PEX5L: variants seen among roughly 807,000 people sequenced by gnomAD.
The protein encoded by PEX5L is PEX5-related protein.
A neutral mutation model predicts 84.0 loss-of-function variants in PEX5L; 30 were observed. The observed-to-expected ratio is 0.36, with a 90% CI of 0.27 to 0.48. The LOEUF is 0.48. Among genes scored for constraint, PEX5L ranks in the 20% least tolerant of loss-of-function variants. The pLI is 0.99. For missense variants in PEX5L, 533 were observed against 754.6 expected, an observed-to-expected ratio of 0.71 and a Z score of 3.44; for synonymous variants, 270 against 283.1, an observed-to-expected ratio of 0.95 and a Z score of 0.46.
At chr3:179,809,162 T>C (rs1340298729) in intron 12 of PEX5L, among the ~76,000 whole-genome samples, 1 of 149,970 alleles carries the variant, frequency 6.7e-6, no homozygotes, top group Non-Finnish European at 1.5e-5. Flanking sequence ...TCAGGCTGGA[T>C]AAAACTTGGA....
At chr3:180,002,871 C>G (rs565761693) in intron 1 of PEX5L, among the ~76,000 whole-genome samples, 1 of 152,146 alleles carries the variant, frequency 6.6e-6, no homozygotes, top group South Asian at 2.1e-4. Flanking sequence ...AATAATCTTG[C>G]TAAATCAGGA....
chr3:179,918,297 C>T (rs554195861), intron 2 of PEX5L, among the ~76,000 whole-genome samples: 2 of 152,282 alleles, frequency 1.3e-5, no homozygotes, highest in South Asian at 4.1e-4. Context: ...TGAGCAAAAG[C>T]ATACGGATTC....
intron 11 of PEX5L, among the ~76,000 whole-genome samples, chr3:179,811,471 T>C (rs912783476): frequency 3.3e-5 from 5 of 152,162 alleles, no homozygotes; most frequent in African/African-American, 9.7e-5. Context: ...CTTATTTTTT[T>C]TGAAGAATAT....
chr3:179,985,822 G>C (rs1786759954), intron 1 of PEX5L, among the ~76,000 whole-genome samples: 1 of 151,962 alleles, frequency 6.6e-6, no homozygotes, highest in Non-Finnish European at 1.5e-5. Context: ...GTCCCATTTT[G>C]GGTGCGCACG....
At chr3:179,890,333 G>C (rs1412451811) in intron 3 of PEX5L, among the ~76,000 whole-genome samples, 1 of 152,128 alleles carries the variant, frequency 6.6e-6, no homozygotes. Flanking sequence ...TATTGTAACA[G>C]GGTTGCATTT....
intron 2 of PEX5L, among the ~76,000 whole-genome samples, chr3:179,945,798 A>C (rs1210525175): frequency 2.0e-5 from 3 of 152,174 alleles, no homozygotes; most frequent in Non-Finnish European, 4.4e-5. Flanking sequence ...AAAGTCTATG[A>C]AACATATCCG....
intron 8 of PEX5L, among the ~76,000 whole-genome samples, chr3:179,838,652 A>G (rs188133249): frequency 7.2e-5 from 11 of 152,346 alleles, no homozygotes; most frequent in Admixed American, 7.2e-4. Flanking sequence ...AATAACTGTT[A>G]GAATTATTTT....
At chr3:180,023,741 C>G (rs535445432) in intron 1 of PEX5L, among the ~76,000 whole-genome samples, 1 of 150,746 alleles carries the variant, frequency 6.6e-6, no homozygotes, top group East Asian at 1.9e-4. Context: ...CACCTTTCAC[C>G]ACTCATCTAC....
chr3:179,942,347 C>T (rs972988110), intron 2 of PEX5L, among the ~76,000 whole-genome samples: 10 of 152,208 alleles, frequency 6.6e-5, no homozygotes, highest in African/African-American at 1.9e-4. Context: ...ACTCCGAACC[C>T]GATGTCCCTC....
intron 1 of PEX5L, among the ~76,000 whole-genome samples, chr3:180,010,068 C>T (rs1382633928): frequency 1.3e-5 from 2 of 151,978 alleles, no homozygotes; most frequent in African/African-American, 4.8e-5. Context: ...CTCAGCCTCC[C>T]GAATAGCTGG....
intron 2 of PEX5L, among the ~76,000 whole-genome samples, chr3:179,941,176 ATTTG>A (rs1281678731): frequency 6.6e-6 from 1 of 152,266 alleles, no homozygotes; most frequent in African/African-American, 2.4e-5. Context: ...ACATTTTAAA[ATTTG>A]TTTATTTTAT....
intron 7 of PEX5L, among the ~76,000 whole-genome samples, chr3:179,871,435 A>G (rs1750358379): frequency 6.6e-6 from 1 of 152,154 alleles, no homozygotes; most frequent in South Asian, 2.1e-4. Flanking sequence ...GTGAATTTTT[A>G]TACCACCTTC....
chr3:179,884,093 C>A (rs1755007772), intron 4 of PEX5L, among the ~76,000 whole-genome samples: 2 of 152,148 alleles, frequency 1.3e-5, no homozygotes, highest in Non-Finnish European at 2.9e-5. Flanking sequence ...TCTAATTTTA[C>A]ATATGAGAAA....
Position 179,796,443 on chromosome 3 carries a change from G to C in PEX5L, c.*5385C>G, listed in dbSNP as rs1029559061. ...TTTTGGTATTTCTGCAGAAGCTGCA[G>C]GTAGTGGAAACTTCGTTCAAGGCAA... On this transcript the variant is annotated 3_prime_UTR_variant, in exon 15 of 15. Coordinates refer to ENST00000467460, the MANE Select transcript of PEX5L (RefSeq NM_016559.3). 6.6e-6 allele frequency: 1 copy of C among 152,056 alleles called. No individual in the cohort carries two copies. Among genetic ancestry groups the C allele is most frequent in the African/African-American group, 2.4e-5 (1 of 41,396 alleles). 9.4% of individuals were successfully genotyped at this position (152,056 alleles called of 1,614,324 possible). A position where few individuals can be genotyped will look rare whatever the true frequency, so the allele number is the denominator to read the frequency against.
chr3:179,953,931 G>C (rs1779782782), intron 2 of PEX5L, among the ~76,000 whole-genome samples: 1 of 152,176 alleles, frequency 6.6e-6, no homozygotes, highest in Non-Finnish European at 1.5e-5. Flanking sequence ...GAAGCTAAAA[G>C]TTAGCAAGGT....
rs184019236 is a variant in PEX5L, at chr3:180,024,373, T to C, written c.21+12206A>G. Among the ~76,000 whole-genome samples the C allele has an allele frequency of 9.6e-3, 753 of 78,764 alleles. 22 individuals are homozygous for C. Among genetic ancestry groups the C allele is most frequent in the African/African-American group, 0.016 (165 of 10,400 alleles). The allele number at this position is 78,764 out of a possible 152,430, so 51.7% of individuals were successfully genotyped here. A position where few individuals can be genotyped will look rare whatever the true frequency, so the allele number is the denominator to read the frequency against. ...ATATATATATATATATATATATATA[T>C]ACACACACAAAAAAAAAAAAAATTA... On this transcript the variant is annotated intron_variant, in intron 1 of 14. Transcript: ENST00000467460.
chr3:179,961,186 C>G (rs1248883399), intron 2 of PEX5L, among the ~76,000 whole-genome samples: 1 of 117,998 alleles, frequency 8.5e-6, no homozygotes, highest in Non-Finnish European at 1.8e-5. Flanking sequence ...ATTGAATGAT[C>G]ACTTGTGTAT....
intron 10 of PEX5L, among the ~76,000 whole-genome samples, chr3:179,814,714 G>C (rs900223123): frequency 6.6e-6 from 1 of 152,120 alleles, no homozygotes; most frequent in Non-Finnish European, 1.5e-5. Flanking sequence ...CCCAGCCTCT[G>C]TCTCTAATCA....
At chr3:179,884,923 A>G (rs902978419) in intron 4 of PEX5L, among the ~76,000 whole-genome samples, 1 of 152,070 alleles carries the variant, frequency 6.6e-6, no homozygotes, top group African/African-American at 2.4e-5. Context: ...GTTCATAGAG[A>G]AAAAAAATCA....
Sources: gnomAD v4.1 joint callset for allele counts (sites outside exome capture counted in the v4.1 genomes callset) on GRCh38, gnomAD v4.1.1 for gene constraint, MANE v1.5 for transcripts, NCBI Gene and HGNC (gene_info 2026-07-23, HGNC 2026-07-21) for gene names.